The following SLIT3 variants were observed in gnomAD, a reference collection of about 807,000 sequenced individuals.
The protein encoded by SLIT3 is slit guidance ligand 3, also known as slit homolog 3 protein.
Under a neutral mutation model 184.0 loss-of-function variants are expected in SLIT3, and 68 were observed. The observed-to-expected ratio is 0.37, with a 90% CI of 0.30 to 0.45. The LOEUF (loss-of-function observed/expected upper bound fraction) is 0.45, where lower values mean the gene tolerates loss of function less well. Among genes scored for constraint, SLIT3 ranks in the 20% least tolerant of loss-of-function variants. The pLI, the probability that SLIT3 is intolerant of heterozygous loss-of-function variation, is 1.00. For missense variants in SLIT3, 1,707 were observed against 2,026.0 expected, an observed-to-expected ratio of 0.84 and a Z score of 3.02; for synonymous variants, 831 against 828.6, an observed-to-expected ratio of 1.00 and a Z score of -0.05.
At chr5:168,888,734 GATTA>G (rs1397418594) in intron 4 of SLIT3, among the ~76,000 whole-genome samples, 2 of 152,146 alleles carry the variant, frequency 1.3e-5, no homozygotes, top group Non-Finnish European at 2.9e-5. Context: ...ATCAACTCTT[GATTA>G]GTTAGGCTAA....
chr5:168,847,396 A>G (rs1758509562), intron 5 of SLIT3, among the ~76,000 whole-genome samples: 1 of 152,208 alleles, frequency 6.6e-6, no homozygotes, highest in African/African-American at 2.4e-5. Context: ...TCAAGACAAG[A>G]TGCCACATTC....
At chr5:169,088,264 C>T (rs1287577222) in intron 4 of SLIT3, among the ~76,000 whole-genome samples, 1 of 152,132 alleles carries the variant, frequency 6.6e-6, no homozygotes, top group Non-Finnish European at 1.5e-5. Flanking sequence ...CTAAGTTGGT[C>T]TCATCTTAGC....
At chr5:168,992,171 C>T (rs770476533) in intron 4 of SLIT3, among the ~76,000 whole-genome samples, 20 of 152,176 alleles carry the variant, frequency 1.3e-4, no homozygotes, top group Non-Finnish European at 2.5e-4. Context: ...TGAGAAGCTG[C>T]CCCTGGCAGA....
At chr5:169,139,393 G>A (rs1318351039) in intron 4 of SLIT3, among the ~76,000 whole-genome samples, 2 of 152,220 alleles carry the variant, frequency 1.3e-5, no homozygotes, top group Non-Finnish European at 2.9e-5. Context: ...TACTTTTTAT[G>A]TGTGATGTTA....
intron 4 of SLIT3, among the ~76,000 whole-genome samples, chr5:168,934,715 A>G (rs1762098055): frequency 6.6e-6 from 1 of 152,190 alleles, no homozygotes; most frequent in African/African-American, 2.4e-5. Context: ...TCTGGAGGCA[A>G]GAGAGGGTCT....
chr5:168,932,825 C>G (rs769705222), intron 4 of SLIT3, among the ~76,000 whole-genome samples: 1 of 152,242 alleles, frequency 6.6e-6, no homozygotes, highest in Non-Finnish European at 1.5e-5. Context: ...GCCTAGGCTA[C>G]GATTTGAGTA....
intron 6 of SLIT3, among the ~76,000 whole-genome samples, chr5:168,835,160 C>A (rs959439775): frequency 6.6e-6 from 1 of 151,988 alleles, no homozygotes; most frequent in Admixed American, 6.5e-5. Context: ...ACAGGCGGGC[C>A]CAGGGTTGGC....
rs79991920 is a variant in SLIT3, at chr5:169,207,204, G to A, written c.342-13654C>T. On this transcript the variant is annotated intron_variant, in intron 3 of 35. Coordinates refer to ENST00000519560, the MANE Select transcript of SLIT3 (RefSeq NM_003062.4). ...TTCCACATCCCAACCACAGCTTTGCGATCCCATCCAAACTTATTGGCGTTT... is the reference window on the plus strand; with the variant it reads ...TTCCACATCCCAACCACAGCTTTGCAATCCCATCCAAACTTATTGGCGTTT... Among the ~76,000 whole-genome samples the A allele has an allele frequency of 3.9e-3, 598 of 152,010 alleles. 5 individuals carry two copies. The highest frequency in any genetic ancestry group is 0.014 in the African/African-American group (571 of 41,438).
chr5:168,791,309 G>A (rs987847753), intron 10 of SLIT3: 4 of 152,236 alleles, frequency 2.6e-5, no homozygotes, highest in Non-Finnish European at 5.9e-5. Context: ...CTTTAGCTCT[G>A]GGAGGGCAAA....
At chr5:168,936,585 C>T (rs554255187) in intron 4 of SLIT3, among the ~76,000 whole-genome samples, 3 of 152,088 alleles carry the variant, frequency 2.0e-5, no homozygotes, top group African/African-American at 7.2e-5. Flanking sequence ...GCAACAGTCA[C>T]CACTGAGAAA....
intron 20 of SLIT3, among the ~76,000 whole-genome samples, chr5:168,738,477 G>A (rs1763506683): frequency 1.3e-5 from 2 of 152,224 alleles, no homozygotes; most frequent in Admixed American, 1.3e-4. Flanking sequence ...GTTGTCTAGA[G>A]AAAAGTACCT....
At chr5:168,735,694 ACACACACACAC>A (rs1316201092) in intron 20 of SLIT3, among the ~76,000 whole-genome samples, 48 of 150,302 alleles carry the variant, frequency 3.2e-4, no homozygotes, top group African/African-American at 1.2e-3. Flanking sequence ...ACACACACAC[ACACACACACAC>A]ATCTCCATCC....
intron 4 of SLIT3, among the ~76,000 whole-genome samples, chr5:169,046,156 T>A (rs1482693160): frequency 4.6e-5 from 7 of 152,158 alleles, no homozygotes; most frequent in Non-Finnish European, 7.4e-5. Context: ...CTTATTTTTG[T>A]GCTTTGGTAT....
At chr5:169,123,258 A>C (rs1760949544) in intron 4 of SLIT3, among the ~76,000 whole-genome samples, 1 of 152,182 alleles carries the variant, frequency 6.6e-6, no homozygotes, top group African/African-American at 2.4e-5. Flanking sequence ...ACAAACATCA[A>C]ATTTATAACA....
chr5:168,814,220 A>C (rs1757255703), intron 8 of SLIT3, among the ~76,000 whole-genome samples: 1 of 151,958 alleles, frequency 6.6e-6, no homozygotes, highest in African/African-American at 2.4e-5. Context: ...ACATGGTGAA[A>C]CCCCATCGCT....
intron 11 of SLIT3, among the ~76,000 whole-genome samples, chr5:168,789,294 G>C (rs1019352115): frequency 1.3e-5 from 2 of 151,914 alleles, no homozygotes; most frequent in Admixed American, 6.6e-5. Flanking sequence ...CGTGAGGTTG[G>C]AGTAGAAGAT....
intron 4 of SLIT3, among the ~76,000 whole-genome samples, chr5:168,929,795 A>G (rs1761934483): frequency 6.6e-6 from 1 of 152,242 alleles, no homozygotes; most frequent in African/African-American, 2.4e-5. Context: ...TGTAGCTGAA[A>G]GAAGGTGCTA....
chr5:169,214,883 C>T lies in SLIT3; in HGVS notation c.342-21333G>A, dbSNP rs375834186. Among the ~76,000 whole-genome samples the T allele has an allele frequency of 2.0e-5, 3 of 152,246 alleles. No homozygotes were observed. In the East Asian group the frequency reaches 5.8e-4, roughly 30 times the overall value. On this transcript the variant is annotated intron_variant, in intron 3 of 35. Transcript: ENST00000519560. ...CAATCGCTGTATGCCATGAGGTATG[C>T]ATCTTTAAATATGTCTCCAAACAAT...
At chr5:168,782,232 A>G (rs1756001034) in intron 12 of SLIT3, among the ~76,000 whole-genome samples, 1 of 152,114 alleles carries the variant, frequency 6.6e-6, no homozygotes, top group African/African-American at 2.4e-5. Context: ...CAGCCCGAAG[A>G]CAGTCTGGTT....
Sources: allele counts gnomAD v4.1 joint callset (sites outside exome capture counted in the v4.1 genomes callset), GRCh38; gene constraint gnomAD v4.1.1; transcripts MANE v1.5; gene names NCBI Gene and HGNC (gene_info 2026-07-23, HGNC 2026-07-21).